Variants in SNX24 observed in about 807,000 individuals in gnomAD.
The protein encoded by SNX24 is sorting nexin-24.
SNX24 carries 22 observed loss-of-function variants against 28.7 expected under a neutral mutation model. The ratio of observed to expected loss-of-function variants is 0.77; its 90% CI spans 0.55 to 1.10. The LOEUF is 1.10. Ranked by LOEUF, SNX24 falls within the 50% of genes least tolerant of loss-of-function variation. The probability of loss-of-function intolerance (pLI) is 0.00; values close to 1 mark genes in which losing one functional copy is unlikely to be tolerated. For missense variants in SNX24, 221 were observed against 201.1 expected (o/e 1.10, Z -0.60); for synonymous variants, 69 against 71.5 (o/e 0.96, Z 0.18).
At chr5:122,858,287 C>G (rs1755299847) in intron 1 of SNX24, among the ~76,000 whole-genome samples, 1 of 152,148 alleles carries the variant, frequency 6.6e-6, no homozygotes, top group Non-Finnish European at 1.5e-5. Context: ...AATTACAAAA[C>G]TGTGACACAG....
At chr5:122,928,199 A>T (rs1179070369) in intron 1 of SNX24, among the ~76,000 whole-genome samples, 4 of 152,100 alleles carry the variant, frequency 2.6e-5, no homozygotes, top group South Asian at 2.1e-4. Flanking sequence ...GTTAAATTAG[A>T]TTCTGTGACT....
At chr5:122,990,500 G>T (rs1761796014) in intron 3 of SNX24, among the ~76,000 whole-genome samples, 1 of 152,196 alleles carries the variant, frequency 6.6e-6, no homozygotes, top group Admixed American at 6.5e-5. Flanking sequence ...AGTATGTAAA[G>T]AAAGAGAATG....
chr5:122,889,530 G>A (rs2150068662), intron 1 of SNX24, among the ~76,000 whole-genome samples: 1 of 151,124 alleles, frequency 6.6e-6, no homozygotes. Flanking sequence ...ATTCCAAAAT[G>A]GAAAAAGACT....
At chr5:122,907,907 ATTTTC>A (rs1757712656) in intron 1 of SNX24, among the ~76,000 whole-genome samples, 2 of 149,024 alleles carry the variant, frequency 1.3e-5, no homozygotes, top group Admixed American at 6.6e-5. Flanking sequence ...TTTTTTTTTA[ATTTTC>A]TTTTAAGGAC....
chr5:123,025,914 T>C (rs775851495), intron 5 of SNX24: 4 of 1,612,730 alleles, frequency 2.5e-6, no homozygotes, highest in Non-Finnish European at 3.4e-6. Flanking sequence ...CCCAATGCCA[T>C]AGTGCTTCAG....
chr5:122,913,674 C>T (rs941130786), intron 1 of SNX24, among the ~76,000 whole-genome samples: 17 of 151,836 alleles, frequency 1.1e-4, no homozygotes, highest in Non-Finnish European at 1.6e-4. Context: ...ACGGGGCAGC[C>T]GGGCAGAGAC....
intron 3 of SNX24, among the ~76,000 whole-genome samples, chr5:122,989,930 G>C (rs1455727013): frequency 6.6e-6 from 1 of 152,114 alleles, no homozygotes; most frequent in Non-Finnish European, 1.5e-5. Flanking sequence ...TGTGTAGACA[G>C]CCCTAATTTC....
At chr5:122,998,324 C>T (rs2150173434) in intron 3 of SNX24, 1 of 152,222 alleles carries the variant, frequency 6.6e-6, no homozygotes, top group South Asian at 2.1e-4. Context: ...GATTCTATCT[C>T]ACTATATTCT....
intron 3 of SNX24, among the ~76,000 whole-genome samples, chr5:122,960,001 G>T (rs970384860): frequency 6.6e-6 from 1 of 152,000 alleles, no homozygotes; most frequent in Non-Finnish European, 1.5e-5. Context: ...TTCCTCCGAA[G>T]TAGGCTGCCT....
chr5:123,013,366 TCTCTA>T (rs758903719), downstream of SNX24, among the ~76,000 whole-genome samples: 8 of 152,248 alleles, frequency 5.3e-5, no homozygotes, highest in Admixed American at 2.6e-4. Context: ...TCTTCCAGTC[TCTCTA>T]CTCCTTGCAA....
intron 1 of SNX24, among the ~76,000 whole-genome samples, chr5:122,854,152 C>A (rs1438180717): frequency 6.6e-6 from 1 of 151,482 alleles, no homozygotes; most frequent in African/African-American, 2.4e-5. Context: ...ATTATTTTTT[C>A]TTCTGTATAT....
At chr5:122,927,769 T>A (rs918656495) in intron 1 of SNX24, among the ~76,000 whole-genome samples, 2 of 152,172 alleles carry the variant, frequency 1.3e-5, no homozygotes, top group African/African-American at 4.8e-5. Context: ...TCATTCACAC[T>A]CTAATAATGC....
At chr5:122,852,958 T>C (rs1023657655) in intron 1 of SNX24, among the ~76,000 whole-genome samples, 1 of 152,008 alleles carries the variant, frequency 6.6e-6, no homozygotes, top group Non-Finnish European at 1.5e-5. Flanking sequence ...GCCATGTCCT[T>C]CAGTCATCCA....
chr5:122,953,061 T>TCTTTCTTC (rs1184729676), intron 3 of SNX24, among the ~76,000 whole-genome samples: 3 of 151,934 alleles, frequency 2.0e-5, no homozygotes, highest in Non-Finnish European at 2.9e-5. Context: ...TTTCTTTCTT[T>TCTTTCTTC]CTTTCTTCCT....
intron 3 of SNX24, among the ~76,000 whole-genome samples, chr5:122,979,588 T>C (rs535254845): frequency 1.8e-3 from 267 of 152,322 alleles, no homozygotes; most frequent in South Asian, 4.6e-3. Flanking sequence ...CCCTGGTGCT[T>C]TTAAAGAAAG....
chr5:122,949,199 A>G (rs1287734826), intron 3 of SNX24, among the ~76,000 whole-genome samples: 1 of 152,202 alleles, frequency 6.6e-6, no homozygotes, highest in Non-Finnish European at 1.5e-5. Flanking sequence ...TCACCAATAA[A>G]TGAAATTAAT....
intron 1 of SNX24, among the ~76,000 whole-genome samples, chr5:122,855,299 A>C (rs1755132280): frequency 6.6e-6 from 1 of 151,910 alleles, no homozygotes; most frequent in Non-Finnish European, 1.5e-5. Context: ...CGAACTCCTG[A>C]CCTCGTGATC....
At chr5:122,854,369 G>C (rs1216793392) in intron 1 of SNX24, among the ~76,000 whole-genome samples, 1 of 151,874 alleles carries the variant, frequency 6.6e-6, no homozygotes, top group African/African-American at 2.4e-5. Flanking sequence ...TTAGCTGGGC[G>C]TGGTGGCGGG....
intron 1 of SNX24, among the ~76,000 whole-genome samples, chr5:122,920,361 G>T (rs544119493): frequency 6.6e-6 from 1 of 152,332 alleles, no homozygotes; most frequent in East Asian, 1.9e-4. Context: ...TGAATTTGCT[G>T]TTTGGTAAGA....
Sources: allele counts gnomAD v4.1 joint callset (sites outside exome capture counted in the v4.1 genomes callset), GRCh38; gene constraint gnomAD v4.1.1; transcripts MANE v1.5; gene names NCBI Gene and HGNC (gene_info 2026-07-23, HGNC 2026-07-21).